The following HOXC4 variants were observed in gnomAD, a reference collection of about 807,000 sequenced individuals.
HOXC4 encodes homeobox C4, also known as homeobox protein Hox-C4.
A neutral mutation model predicts 25.5 loss-of-function variants in HOXC4; 15 were observed. The ratio of observed to expected loss-of-function variants is 0.59; its 90% CI spans 0.39 to 0.91. The LOEUF (loss-of-function observed/expected upper bound fraction) is 0.91. Ranked by LOEUF, HOXC4 falls within the 40% of genes least tolerant of loss-of-function variation. The pLI, the probability that HOXC4 is intolerant of heterozygous loss-of-function variation, is 0.00. For synonymous variants in HOXC4, 165 were observed against 148.0 expected (o/e 1.11, Z -0.83); for missense variants, 342 against 352.4 (o/e 0.97, Z 0.24).
intron 1 of HOXC4, chr12:54,033,156 C>T (rs1225129849): frequency 1.2e-6 from 2 of 1,613,688 alleles, no homozygotes; most frequent in African/African-American, 2.7e-5. Flanking sequence ...ATTCTATAAG[C>T]AGAGCCCCAA....
At chr12:54,044,394 T>C (rs1565750706) in intron 1 of HOXC4, among the ~76,000 whole-genome samples, 1 of 152,202 alleles carries the variant, frequency 6.6e-6, no homozygotes, top group African/African-American at 2.4e-5. Context: ...CATTTCCTTT[T>C]GCCCATGCAG....
rs756580944 is a variant in HOXC4 at position 54,054,868 on chromosome 12, G to A, written c.458G>A (p.Gly153Glu). The change falls in exon 2 of 2, where the codon GGA (glycine) becomes GAA (glutamate). Residue 153 changes from glycine (G) to glutamate (E), a missense_variant. Physicochemically the swap from Gly to Glu is moderately conservative, Grantham distance 98 (BLOSUM62 -2). Coordinates refer to ENST00000430889, the MANE Select transcript of HOXC4 (RefSeq NM_153633.3). ...HVSTVNPNYNGGEPKRSRTAY... is the reference protein window; with the variant it reads ...HVSTVNPNYNEGEPKRSRTAY... ...CCCCCAGTGAACCCCAATTATAACG[G>A]AGGGGAACCCAAGCGCTCGAGGACA... The A allele has an allele frequency of 1.9e-6, 3 of 1,607,804 alleles. No homozygotes were observed. In the Admixed American group the frequency reaches 5.0e-5, roughly 27 times the overall value.
upstream of HOXC4, among the ~76,000 whole-genome samples, chr12:54,048,899 C>G (rs1163440137): frequency 6.6e-6 from 1 of 152,170 alleles, no homozygotes; most frequent in Non-Finnish European, 1.5e-5. Flanking sequence ...ATAAAAGTCC[C>G]CCTCCCCAGC....
At chr12:54,052,503 C>T (rs1447600720), upstream of HOXC4, among the ~76,000 whole-genome samples, 2 of 152,120 alleles carry the variant, frequency 1.3e-5, no homozygotes, top group Non-Finnish European at 2.9e-5. Flanking sequence ...TCCGCTACCC[C>T]CCGCAACTCT....
chr12:54,035,416 G>T (rs1467754662), intron 1 of HOXC4: 1 of 152,606 alleles, frequency 6.6e-6, no homozygotes, highest in Non-Finnish European at 1.5e-5. Flanking sequence ...TGTCTAAATG[G>T]GCTGTGAGAT....
chr12:54,052,160 A>G (rs977701164), upstream of HOXC4, among the ~76,000 whole-genome samples: 147 of 145,514 alleles, frequency 1.0e-3, no homozygotes, highest in African/African-American at 3.5e-3. Flanking sequence ...AATCAGAGGG[A>G]AAAAAAATCA....
rs1394024300 is a variant in HOXC4 at position 54,055,873 on chromosome 12, G to A, written c.*668G>A. The A allele has an allele frequency of 6.6e-6, 1 of 152,596 alleles. No homozygotes were observed. The highest frequency in any genetic ancestry group is 1.5e-5 in the Non-Finnish European group (1 of 68,046). 9.5% of individuals were successfully genotyped at this position (152,596 alleles called of 1,614,324 possible). On this transcript the variant is annotated 3_prime_UTR_variant, in exon 2 of 2. Coordinates refer to ENST00000430889, the MANE Select transcript of HOXC4 (RefSeq NM_153633.3). ...TCAAAATGAACTTTCAGTTCAGAGA[G>A]GCAGTCTATAGGTAGAATCTCTCCC...
chr12:54,047,416 C>T (rs1260403782), intron 1 of HOXC4, among the ~76,000 whole-genome samples: 1 of 152,218 alleles, frequency 6.6e-6, no homozygotes, highest in Admixed American at 6.5e-5. Context: ...GAATGTAGGG[C>T]GAGGCCGAAG....
chr12:54,047,998 G>A (rs1389103737), intron 1 of HOXC4: 2 of 152,110 alleles, frequency 1.3e-5, no homozygotes, highest in African/African-American at 4.8e-5. Flanking sequence ...CCAGTTTCAG[G>A]CACTAAGAAA....
At chr12:54,045,147 C>T (rs959940968) in intron 1 of HOXC4, among the ~76,000 whole-genome samples, 6 of 152,246 alleles carry the variant, frequency 3.9e-5, no homozygotes, top group African/African-American at 1.4e-4. Flanking sequence ...CTAGAGATTC[C>T]TCTTCATTCC....
intron 1 of HOXC4, among the ~76,000 whole-genome samples, chr12:54,047,559 C>G (rs1937746157): frequency 6.6e-6 from 1 of 152,194 alleles, no homozygotes; most frequent in South Asian, 2.1e-4. Flanking sequence ...AGAGGCGTCC[C>G]GAGGCGGCCA....
chr12:54,049,139 A>G (rs1029397090), upstream of HOXC4, among the ~76,000 whole-genome samples: 1 of 152,224 alleles, frequency 6.6e-6, no homozygotes. Context: ...CCTCTAACTA[A>G]CAATTTCTCC....
intron 1 of HOXC4, chr12:54,033,542 T>A (rs775617536): frequency 6.3e-7 from 1 of 1,597,896 alleles, no homozygotes; most frequent in Admixed American, 1.7e-5. Flanking sequence ...CGCCACAGAT[T>A]TACCCGTGGA....
upstream of HOXC4, among the ~76,000 whole-genome samples, chr12:54,052,108 TA>T (rs1937859558): frequency 6.6e-6 from 1 of 152,028 alleles, no homozygotes; most frequent in African/African-American, 2.4e-5. Context: ...GGCGGCGAAT[TA>T]AAGGTAGATT....
intron 1 of HOXC4, chr12:54,033,867 CG>C: frequency 2.5e-6 from 1 of 407,004 alleles, no homozygotes; most frequent in Non-Finnish European, 4.7e-6. Context: ...GGCTCCAGAG[CG>C]GGGATCCCCC....
At chr12:54,022,607 T>A (rs1449264378) in intron 1 of HOXC4, 1 of 152,160 alleles carries the variant, frequency 6.6e-6, no homozygotes, top group Non-Finnish European at 1.5e-5. Flanking sequence ...ATGAGGATGC[T>A]GTTTTATTGT....
At chr12:54,048,394 C>G (rs573640192) in intron 1 of HOXC4, among the ~76,000 whole-genome samples, 2 of 152,244 alleles carry the variant, frequency 1.3e-5, no homozygotes, top group Admixed American at 1.3e-4. Flanking sequence ...CAATCCTCTC[C>G]TCTGCCTTTT....
At chr12:54,046,419 A>G (rs886220694) in intron 1 of HOXC4, among the ~76,000 whole-genome samples, 1 of 151,938 alleles carries the variant, frequency 6.6e-6, no homozygotes, top group African/African-American at 2.4e-5. Context: ...GGCCTGGGGG[A>G]CAAGTATTGG....
chr12:54,052,182 T>C (rs1277087998), upstream of HOXC4, among the ~76,000 whole-genome samples: 5 of 152,162 alleles, frequency 3.3e-5, no homozygotes, highest in Non-Finnish European at 5.9e-5. Flanking sequence ...ATTACGACTT[T>C]TCGTGGAAAG....
Sources: allele counts gnomAD v4.1 joint callset (sites outside exome capture counted in the v4.1 genomes callset), GRCh38; gene constraint gnomAD v4.1.1; transcripts MANE v1.5; gene names NCBI Gene and HGNC (gene_info 2026-07-23, HGNC 2026-07-21).